The following C3orf62 variants were observed in gnomAD, a reference collection of about 807,000 sequenced individuals.
C3orf62 encodes the protein chromosome 3 open reading frame 62, also known as uncharacterized protein C3orf62.
In C3orf62, 16 loss-of-function variants were observed where a neutral mutation model predicts 21.7. That is an observed-to-expected ratio of 0.74 (90% confidence interval 0.50 to 1.12). C3orf62 has a LOEUF of 1.12. C3orf62 is among the 50% of genes most tolerant of loss of function. C3orf62 has a pLI of 0.00. For synonymous variants in C3orf62, 114 were observed against 117.0 expected (o/e 0.97, Z 0.17); for missense variants, 310 against 318.8 (o/e 0.97, Z 0.21).
At chr3:49,272,255 T>C (rs1227974065) in intron 2 of C3orf62, among the ~76,000 whole-genome samples, 1 of 151,956 alleles carries the variant, frequency 6.6e-6, no homozygotes, top group Non-Finnish European at 1.5e-5. Context: ...ACCCAGCACT[T>C]TGGGAGGCTG....
At chr3:49,274,341 C>T (rs2046934969) in intron 1 of C3orf62, 3 of 548,786 alleles carry the variant, frequency 5.5e-6, no homozygotes, top group Non-Finnish European at 6.5e-6. Context: ...TAATGACTCA[C>T]GAGCATCGCA....
chr3:49,277,180 C>T lies in C3orf62; in HGVS notation c.-308G>A, dbSNP rs545924633. ...GGCGAGTCGGCAGCCACGTCCTTGT[C>T]CTCACCCGCAGCGCAGTGACGCCGA... On this transcript the variant is annotated 5_prime_UTR_variant, in exon 1 of 3. Transcript: ENST00000343010. The T allele has an allele frequency of 1.5e-5, 21 of 1,380,280 alleles. No homozygotes were observed. In the South Asian group the frequency reaches 2.3e-4, roughly 15 times the overall value. 85.5% of individuals were successfully genotyped at this position (1,380,280 alleles called of 1,614,324 possible).
At position 49,276,684 on chromosome 3, in the gene C3orf62, G is replaced by C; in HGVS notation, c.189C>G (p.Leu63=). Residue 63 remains leucine, a synonymous_variant, in exon 1 of 3, where the codon CTC becomes CTG. Transcript: ENST00000343010. ...CTGCCAGAGGATGTCTTCTGCAGAG[G>C]AGCCTGTGCACGGGCAGCGAGAAGG... ...PLSFSLPVHR[L]LCRRHPLAAC... The C allele has an allele frequency of 6.2e-7, 1 of 1,614,204 alleles. No homozygotes were observed. The highest frequency in any genetic ancestry group is 8.5e-7 in the Non-Finnish European group (1 of 1,180,036).
At chr3:49,274,546 A>T (rs1034167651) in intron 1 of C3orf62, 3 of 152,888 alleles carry the variant, frequency 2.0e-5, no homozygotes, top group African/African-American at 7.3e-5. Flanking sequence ...TTTTTTTGAG[A>T]TGAAGTCTCG....
intron 2 of C3orf62, among the ~76,000 whole-genome samples, chr3:49,271,929 A>G (rs1413141371): frequency 2.0e-5 from 3 of 150,926 alleles, no homozygotes; most frequent in Non-Finnish European, 4.4e-5. Flanking sequence ...AAAAAACAAA[A>G]AAAAAAAACA....
intron 2 of C3orf62, 75 bp from the exon 3 acceptor site, chr3:49,271,520 C>T: frequency 6.7e-7 from 1 of 1,495,328 alleles, no homozygotes; most frequent in East Asian, 2.3e-5. Flanking sequence ...AAGTTAAAAA[C>T]CATGAATGGG....
chr3:49,269,110 T>C lies in C3orf62; in HGVS notation c.*2070A>G, dbSNP rs2046897737. On this transcript the variant is annotated 3_prime_UTR_variant, in exon 3 of 3. Transcript: ENST00000343010. ...TTCTGGCCAGGTATCTTGTAGAATG[T>C]ACCCCACGTCTGGATTTGTCTAACA... 2 of 152,214 alleles carry C rather than the reference T, an allele frequency of 1.3e-5. No homozygotes were observed. Among genetic ancestry groups the C allele is most frequent in the African/African-American group, 4.8e-5 (2 of 41,468 alleles). 9.4% of individuals were successfully genotyped at this position (152,214 alleles called of 1,614,324 possible).
Position 49,276,415 on chromosome 3 carries a change from A to G in C3orf62, c.446+12T>C. ...TTAATTGTAGCTGTTAAACCATCAA[A>G]ATTAGAATCACCTTAAATTTTCTTT... On this transcript the variant is annotated intron_variant, in intron 1 of 2. Transcript: ENST00000343010. The G allele has an allele frequency of 1.2e-6, 2 of 1,601,594 alleles. No individual in the cohort carries two copies. The highest frequency in any genetic ancestry group is 1.7e-6 in the Non-Finnish European group (2 of 1,172,302).
Position 49,276,933 on chromosome 3 carries a change from GC to G in C3orf62, c.-62del, listed in dbSNP as rs1183539756. ...TGAGGCTGCAAACTACCCCTGAATG[GC>G]CACGATTTCCTGGAGCTTGGCCCTG... On this transcript the variant is annotated 5_prime_UTR_variant, in exon 1 of 3. It removes the in-frame stop codon of an upstream open reading frame in the 5' UTR. Coordinates refer to ENST00000343010, the MANE Select transcript of C3orf62 (RefSeq NM_198562.3). 6.4e-7 allele frequency: 1 copy of G among 1,550,458 alleles called. No individual in the cohort carries two copies. The highest frequency in any genetic ancestry group is 8.7e-7 in the Non-Finnish European group (1 of 1,149,990).
intron 1 of C3orf62, among the ~76,000 whole-genome samples, chr3:49,275,532 T>TTTG (rs2046949466): frequency 8.4e-6 from 1 of 119,136 alleles, no homozygotes; most frequent in Admixed American, 8.5e-5. Context: ...TTTTTTTTTT[T>TTTG]TTTTTTTTTT....
Position 49,271,262 on chromosome 3 carries a change from T to A in C3orf62, c.722A>T (p.Asp241Val). 2.5e-6 allele frequency: 4 copies of A among 1,614,158 alleles called. No homozygotes were observed. The highest frequency in any genetic ancestry group is 3.4e-6 in the Non-Finnish European group (4 of 1,180,038). The change falls in exon 3 of 3, where the codon GAT (aspartate) becomes GTT (valine). Residue 241 changes from aspartate to valine, a missense_variant. Asp to Val is a radical substitution (Grantham distance 152). Transcript: ENST00000343010. ...AACAGTCTCAACAATATTATGATCA[T>A]CAAAAGCCTGTTTGAGGCTGCCAGG... ...ADPGSLKQAFDDHNIVETVLD... is the reference protein window; with the variant it reads ...ADPGSLKQAFVDHNIVETVLD...
chr3:49,275,045 C>T (rs1348375342), intron 1 of C3orf62, among the ~76,000 whole-genome samples: 1 of 151,784 alleles, frequency 6.6e-6, no homozygotes, highest in Non-Finnish European at 1.5e-5. Context: ...GTCTCAAACT[C>T]CTGACCTCAG....
intron 1 of C3orf62, 145 bp downstream of exon 1, chr3:49,276,282 G>A: frequency 1.4e-6 from 1 of 720,190 alleles, no homozygotes; most frequent in East Asian, 2.7e-5. Context: ...TCTGAAGAAT[G>A]TCTGTCAACT....
Position 49,271,387 on chromosome 3 carries a change from T to G in C3orf62, c.597A>C (p.Glu199Asp). 1 of 1,614,226 alleles carries G rather than the reference T, an allele frequency of 6.2e-7. No individual in the cohort carries two copies. Among genetic ancestry groups the G allele is most frequent in the Non-Finnish European group, 8.5e-7 (1 of 1,180,016 alleles). ...GGCAATGACCACACATGTGGTTCAATTCGTTTTCAAATTCTATTTTTCCAG... is the reference window on the plus strand; with the variant it reads ...GGCAATGACCACACATGTGGTTCAAGTCGTTTTCAAATTCTATTTTTCCAG... ...ELAGKIEFEN[E>D]LNHMCGHCQD... The change falls in exon 3 of 3, where the codon GAA becomes GAC. Residue 199 changes from glutamate (E) to aspartate (D), a missense_variant. Transcript: ENST00000343010.
rs1234142629 is a variant in C3orf62 at position 49,277,091 on chromosome 3, C to A, written c.-219G>T. The A allele has an allele frequency of 8.1e-6, 12 of 1,486,944 alleles. No individual in the cohort carries two copies. The East Asian group carries it at 1.0e-4, about 13-fold the overall frequency. 92.1% of individuals were successfully genotyped at this position (1,486,944 alleles called of 1,614,324 possible). A position where few individuals can be genotyped will look rare whatever the true frequency, so the allele number is the denominator to read the frequency against. ...CACTTCCCACAGCTTCCTGGCCCGC[C>A]CCGCCGCTGCCTCCCGCCCCACCGC... On this transcript the variant is annotated 5_prime_UTR_variant, in exon 1 of 3. Transcript: ENST00000343010.
intron 2 of C3orf62, among the ~76,000 whole-genome samples, chr3:49,272,147 A>T (rs1430447719): frequency 6.6e-6 from 1 of 152,016 alleles, no homozygotes; most frequent in Middle Eastern, 3.2e-3. Flanking sequence ...CTTCAGAAAC[A>T]ACAGCTTCAG....
rs150294581 is a variant in C3orf62, at chr3:49,271,382, T to C, written c.602A>G (p.Asn201Ser). 6.2e-7 allele frequency: 1 copy of C among 1,614,222 alleles called. No homozygotes were observed. The highest frequency in any genetic ancestry group is 8.5e-7 in the Non-Finnish European group (1 of 1,180,038). Residue 201 changes from asparagine (N) to serine (S), a missense_variant, in exon 3 of 3, where the codon AAC becomes AGC. Coordinates refer to ENST00000343010, the MANE Select transcript of C3orf62 (RefSeq NM_198562.3). Reference sequence around the variant, plus strand: ...ATCTTGGCAATGACCACACATGTGGTTCAATTCGTTTTCAAATTCTATTTT... The same window carrying C: ...ATCTTGGCAATGACCACACATGTGGCTCAATTCGTTTTCAAATTCTATTTT... ...AGKIEFENEL[N>S]HMCGHCQDSP... is the part of the protein sequence containing the mutation.
chr3:49,272,534 CTTTTTTTT>C (rs746086446), intron 2 of C3orf62, among the ~76,000 whole-genome samples: 9 of 51,842 alleles, frequency 1.7e-4, no homozygotes, highest in East Asian at 1.3e-3. Context: ...TTCTCCTAAT[CTTTTTTTT>C]TTTTTTTTTT....
At chr3:49,273,903 C>A (rs1429719316) in intron 2 of C3orf62, 146 bp downstream of exon 2, 1 of 622,054 alleles carries the variant, frequency 1.6e-6, no homozygotes, top group East Asian at 2.8e-5. Flanking sequence ...ATTCGATCTC[C>A]TCGGCCTTCC....
Sources: allele counts gnomAD v4.1 joint callset (sites outside exome capture counted in the v4.1 genomes callset), GRCh38; gene constraint gnomAD v4.1.1; transcripts MANE v1.5; gene names NCBI Gene and HGNC (gene_info 2026-07-23, HGNC 2026-07-21).